The following DDX47 variants were observed in gnomAD, a reference collection of about 807,000 sequenced individuals.
The protein encoded by DDX47 is probable ATP-dependent RNA helicase DDX47.
DDX47 carries 60 observed loss-of-function variants against 58.8 expected under a neutral mutation model. The observed-to-expected ratio is 1.02, with a 90% CI of 0.83 to 1.26. DDX47 has a LOEUF of 1.26. DDX47 is among the 50% of genes most tolerant of loss of function. The pLI, the probability that DDX47 is intolerant of heterozygous loss-of-function variation, is 0.00. For missense variants in DDX47, 530 were observed against 573.2 expected (o/e 0.92, Z 0.77); for synonymous variants, 197 against 204.6 (o/e 0.96, Z 0.32).
chr12:12,818,248 G>A (rs890648728), intron 2 of DDX47, among the ~76,000 whole-genome samples: 3 of 152,212 alleles, frequency 2.0e-5, no homozygotes, highest in Admixed American at 1.3e-4. Flanking sequence ...TTGGCTGGGC[G>A]TGGTGGCTCA....
At chr12:12,821,057 C>T (rs1862961843) in intron 2 of DDX47, 151 bp from the exon 3 acceptor site, 2 of 729,138 alleles carry the variant, frequency 2.7e-6, no homozygotes, top group African/African-American at 3.6e-5. Context: ...AAGAGAGAGG[C>T]CATGTCTTTT....
At chr12:12,815,944 A>G (rs1345281374) in intron 2 of DDX47, among the ~76,000 whole-genome samples, 2 of 152,212 alleles carry the variant, frequency 1.3e-5, no homozygotes, top group Non-Finnish European at 2.9e-5. Context: ...GGTCTTTGTA[A>G]TGATTTTTGC....
chr12:12,826,537 G>A (rs953379169), intron 10 of DDX47, among the ~76,000 whole-genome samples: 1 of 151,730 alleles, frequency 6.6e-6, no homozygotes, highest in African/African-American at 2.4e-5. Flanking sequence ...CCACCCCCTG[G>A]GCTCAAGCAA....
intron 3 of DDX47, 118 bp downstream of exon 3, chr12:12,821,514 T>C (rs1399007758): frequency 7.0e-7 from 1 of 1,432,912 alleles, no homozygotes; most frequent in Admixed American, 1.8e-5. Flanking sequence ...AGAGCTAATG[T>C]TGTATTTGAG....
At chr12:12,819,603 TG>T (rs1862941019) in intron 2 of DDX47, among the ~76,000 whole-genome samples, 2 of 152,166 alleles carry the variant, frequency 1.3e-5, no homozygotes, top group Non-Finnish European at 2.9e-5. Flanking sequence ...TATGCCCAAC[TG>T]GTTTTTAGAC....
intron 2 of DDX47, among the ~76,000 whole-genome samples, chr12:12,819,217 G>A (rs565663068): frequency 6.6e-6 from 1 of 151,948 alleles, no homozygotes; most frequent in Non-Finnish European, 1.5e-5. Context: ...TTTTCCCTTT[G>A]CCTTACAATA....
rs1248125701 is a variant in DDX47 at position 12,827,330 on chromosome 12, G to C, written c.1191G>C (p.Met397Ile). 6.2e-7 allele frequency: 1 copy of C among 1,614,078 alleles called. No individual in the cohort carries two copies. The highest frequency in any genetic ancestry group is 8.5e-7 in the Non-Finnish European group (1 of 1,180,036). ...TTCCAACACAGGATGATGAGGTTAT[G>C]ATGCTGACAGAACGCGTCGCTGAAG... ...PGFPTQDDEV[M>I]MLTERVAEAQ... Residue 397 changes from methionine to isoleucine, a missense_variant, in exon 11 of 12, where the codon ATG (methionine) becomes ATC (isoleucine). Physicochemically the swap from Met to Ile is conservative, Grantham distance 10. Coordinates refer to ENST00000358007, the MANE Select transcript of DDX47 (RefSeq NM_016355.4).
chr12:12,816,376 A>G (rs1310269768), intron 2 of DDX47, among the ~76,000 whole-genome samples: 2 of 152,202 alleles, frequency 1.3e-5, no homozygotes, highest in African/African-American at 4.8e-5. Flanking sequence ...AATGACAAGT[A>G]TGTGAGGTGA....
At position 12,819,639 on chromosome 12, in the gene DDX47, C is replaced by G. The variant is rs191094400; in HGVS notation, c.182-1569C>G. On this transcript the variant is annotated intron_variant, in intron 2 of 11. Transcript: ENST00000358007. ...CATATCTCTAAACAAGTATGTCCAA[C>G]TGGTTTTTAGACATATCTCTTTGAG... is the stretch of plus-strand genomic sequence containing the variant. Among the ~76,000 whole-genome samples, 25 of 152,278 alleles carry G rather than the reference C, an allele frequency of 1.6e-4. 1 individual carries two copies. The highest frequency in any genetic ancestry group is 1.6e-3 in the Admixed American group (24 of 15,284).
intron 6 of DDX47, among the ~76,000 whole-genome samples, 184 bp from the exon 7 acceptor site, chr12:12,823,019 C>G (rs1052936577): frequency 6.6e-6 from 1 of 152,166 alleles, no homozygotes; most frequent in Non-Finnish European, 1.5e-5. Context: ...TGAGAACTCA[C>G]TATCATGAGA....
At chr12:12,823,779 A>C in intron 7 of DDX47, 91 bp from the exon 8 acceptor site, 1 of 1,292,216 alleles carries the variant, frequency 7.7e-7, no homozygotes, top group Non-Finnish European at 1.1e-6. Flanking sequence ...AAAAGCGACT[A>C]TAGGCTTAGT....
Position 12,823,900 on chromosome 12 carries a change from T to C in DDX47, c.781T>C (p.Leu261=), listed in dbSNP as rs1863010886. 1 of 1,614,118 alleles carries C rather than the reference T, an allele frequency of 6.2e-7. No homozygotes were observed. Among genetic ancestry groups the C allele is most frequent in the African/African-American group, 1.3e-5 (1 of 75,062 alleles). ...DTYLVYILNE[L]AGNSFMIFCS... The stretch of plus-strand genomic sequence containing the variant: ...CTACCTGGTTTATATTCTAAATGAA[T>C]TGGCTGGAAACTCCTTTATGATATT... The change falls in exon 8 of 12, where the codon TTG becomes CTG. Residue 261 remains leucine (L), a synonymous_variant. Coordinates refer to ENST00000358007, the MANE Select transcript of DDX47 (RefSeq NM_016355.4).
chr12:12,819,902 C>T (rs1272539012), intron 2 of DDX47, among the ~76,000 whole-genome samples: 1 of 152,206 alleles, frequency 6.6e-6, no homozygotes, highest in African/African-American at 2.4e-5. Flanking sequence ...CATCCAATGT[C>T]CCAGTTAAGC....
intron 2 of DDX47, among the ~76,000 whole-genome samples, chr12:12,819,760 G>A (rs1263472227): frequency 6.6e-6 from 1 of 152,164 alleles, no homozygotes; most frequent in East Asian, 1.9e-4. Context: ...CTATATTGCA[G>A]TTTTTGGCTT....
intron 11 of DDX47, among the ~76,000 whole-genome samples, chr12:12,827,861 A>G (rs961350106): frequency 6.7e-6 from 1 of 148,306 alleles, no homozygotes; most frequent in African/African-American, 2.5e-5. Context: ...CCAAGATCCA[A>G]AACTTTTCTT....
In DDX47 at chr12:12,822,675, CAA is replaced by C; in HGVS notation, c.578_579del (p.Lys193SerfsTer38). On this transcript the variant is annotated frameshift_variant, in exon 6 of 12. Coordinates refer to ENST00000358007, the MANE Select transcript of DDX47 (RefSeq NM_016355.4). LOFTEE classifies it high-confidence loss of function. Reference sequence around the variant, plus strand: ...TTGTGCTTTAGGTTGACAAGATCCTCAAAGTGATTCCTCGAGATCGGAAAACA... The same window carrying C: ...TTGTGCTTTAGGTTGACAAGATCCTCAGTGATTCCTCGAGATCGGAAAACA... ...DFETEVDKILKVIPRDRKTFL... is the reference protein window; with the variant it reads ...DFETEVDKILXVIPRDRKTFL... 1 of 1,613,996 alleles carries C rather than the reference CAA, an allele frequency of 6.2e-7. No individual in the cohort carries two copies.
At chr12:12,813,818 A>T (rs1862851608) in intron 1 of DDX47, among the ~76,000 whole-genome samples, 1 of 152,196 alleles carries the variant, frequency 6.6e-6, no homozygotes, top group African/African-American at 2.4e-5. Context: ...ACAAGTTGTT[A>T]CCTCTCTGTG....
rs1328563040 is a variant in DDX47 at position 12,824,936 on chromosome 12, C to T, written c.1035+259C>T. On this transcript the variant is annotated intron_variant, in intron 9 of 11. Coordinates refer to ENST00000358007, the MANE Select transcript of DDX47 (RefSeq NM_016355.4). ...GGTGCGCCACATACTGATCTTGTCA[C>T]TGTCATTTCTTGAGAATGACAGCTT... is the stretch of plus-strand genomic sequence containing the variant. 5 of 315,364 alleles carry T rather than the reference C, an allele frequency of 1.6e-5. No homozygotes were observed. The East Asian group carries it at 1.7e-4, about 11-fold the overall frequency. The allele number at this position is 315,364 out of a possible 1,614,324, so 19.5% of individuals were successfully genotyped here.
rs771003969 is a variant in DDX47, at chr12:12,824,616, G to A, written c.974G>A (p.Arg325Gln). The A allele has an allele frequency of 4.3e-6, 7 of 1,614,174 alleles. No homozygotes were observed. The highest frequency in any genetic ancestry group is 1.1e-5 in the South Asian group (1 of 91,082). Residue 325 changes from arginine to glutamine, a missense_variant, in exon 9 of 12, where the codon CGA (arginine) becomes CAA (glutamine). By Grantham distance (43) the Arg-to-Gln change is conservative. Transcript: ENST00000358007. ...SILLATDVAS[R>Q]GLDIPHVDVV... Reference sequence around the variant, plus strand: ...CTTCTAGCAACTGACGTTGCCAGCCGAGGTTTGGACATACCTCATGTAGAT... The same window carrying A: ...CTTCTAGCAACTGACGTTGCCAGCCAAGGTTTGGACATACCTCATGTAGAT...
Sources: gnomAD v4.1 joint callset for allele counts (sites outside exome capture counted in the v4.1 genomes callset) on GRCh38, gnomAD v4.1.1 for gene constraint, MANE v1.5 for transcripts, NCBI Gene and HGNC (gene_info 2026-07-23, HGNC 2026-07-21) for gene names.